The following SPATS2L variants were observed in gnomAD, a reference collection of about 807,000 sequenced individuals.
SPATS2L encodes the protein SPATS2-like protein.
Under a neutral mutation model 59.6 loss-of-function variants are expected in SPATS2L, and 30 were observed. The observed-to-expected ratio is 0.50, with a 90% CI of 0.38 to 0.68. SPATS2L has a LOEUF of 0.68. Among genes scored for constraint, SPATS2L ranks in the 30% least tolerant of loss-of-function variants. The pLI is 0.00. For synonymous variants in SPATS2L, 252 were observed against 263.5 expected (o/e 0.96, Z 0.42); for missense variants, 615 against 700.0 (o/e 0.88, Z 1.37).
chr2:200,362,884 A>C (rs773445515), intron 2 of SPATS2L, among the ~76,000 whole-genome samples: 3 of 152,170 alleles, frequency 2.0e-5, no homozygotes, highest in Non-Finnish European at 4.4e-5. Context: ...GATGAGATAC[A>C]CCTATCCTCC....
At position 200,472,361 on chromosome 2, in the gene SPATS2L, G is replaced by A. The variant is rs1358078123; in HGVS notation, c.1061-471G>A. On this transcript the variant is annotated intron_variant, in intron 11 of 12. Transcript: ENST00000409140. ...CTCTCAGAACATCGTGGATCTGACAGGCCAGAGTGTCCGCATAGCTCCCAA... is the reference window on the plus strand; with the variant it reads ...CTCTCAGAACATCGTGGATCTGACAAGCCAGAGTGTCCGCATAGCTCCCAA... Among the ~76,000 whole-genome samples the A allele has an allele frequency of 5.3e-5, 8 of 152,310 alleles. No homozygotes were observed. In the South Asian group the frequency reaches 1.7e-3, roughly 32 times the overall value.
intron 8 of SPATS2L, among the ~76,000 whole-genome samples, chr2:200,441,086 A>G (rs1298050087): frequency 6.6e-6 from 1 of 152,246 alleles, no homozygotes; most frequent in African/African-American, 2.4e-5. Context: ...AGTATTTTTG[A>G]CAAATCCCTG....
intron 3 of SPATS2L, among the ~76,000 whole-genome samples, chr2:200,395,053 A>C (rs1350738661): frequency 6.6e-6 from 1 of 152,218 alleles, no homozygotes; most frequent in Non-Finnish European, 1.5e-5. Context: ...TCTTTTCTAA[A>C]TAATGTATTT....
upstream of SPATS2L, chr2:200,306,307 T>G (rs1055551277): frequency 4.0e-6 from 4 of 1,002,252 alleles, no homozygotes; most frequent in African/African-American, 5.2e-5. Flanking sequence ...GAGAAGATGA[T>G]TCTCTTGCAA....
In SPATS2L at chr2:200,452,172, T is replaced by A. The variant is rs565880599; in HGVS notation, c.789-7597T>A. On this transcript the variant is annotated intron_variant, in intron 8 of 12. Coordinates refer to ENST00000409140, the MANE Select transcript of SPATS2L (RefSeq NM_001100423.2). ...AGACACTGAAATACAGTCAAGTTAC[T>A]TTCCCTGAATAGTGACCTCCATGAA... Among the ~76,000 whole-genome samples the A allele has an allele frequency of 2.0e-5, 3 of 152,314 alleles. No homozygotes were observed. In the East Asian group the frequency reaches 5.8e-4, roughly 29 times the overall value.
intron 12 of SPATS2L, among the ~76,000 whole-genome samples, chr2:200,475,510 G>T (rs990106437): frequency 1.3e-5 from 2 of 152,182 alleles, no homozygotes; most frequent in African/African-American, 4.8e-5. Context: ...ACAGATGGTT[G>T]TATTCTTTTG....
intron 2 of SPATS2L, among the ~76,000 whole-genome samples, chr2:200,355,569 C>G (rs2080887865): frequency 1.3e-5 from 2 of 152,194 alleles, no homozygotes; most frequent in Admixed American, 1.3e-4. Context: ...CACGATTGTT[C>G]TTCACAGCTG....
At chr2:200,475,909 G>T (rs2087483636) in intron 12 of SPATS2L, among the ~76,000 whole-genome samples, 1 of 152,142 alleles carries the variant, frequency 6.6e-6, no homozygotes. Context: ...ATATAAAGCG[G>T]GAATAGCTCC....
chr2:200,439,100 A>G (rs1382345894), intron 6 of SPATS2L, 22 bp from the exon 7 acceptor site: 4 of 1,597,484 alleles, frequency 2.5e-6, no homozygotes, highest in Non-Finnish European at 3.4e-6. Context: ...CTTCACAGTC[A>G]TTATTTGGTG....
At chr2:200,377,796 T>A (rs1165551831) in intron 2 of SPATS2L, among the ~76,000 whole-genome samples, 2 of 152,210 alleles carry the variant, frequency 1.3e-5, no homozygotes, top group Non-Finnish European at 1.5e-5. Context: ...TGTTTTCAAT[T>A]AGGTGTAGAA....
At chr2:200,359,017 C>T (rs2081012247) in intron 2 of SPATS2L, among the ~76,000 whole-genome samples, 1 of 151,610 alleles carries the variant, frequency 6.6e-6, no homozygotes, top group East Asian at 1.9e-4. Context: ...CACACACACA[C>T]AAATTTTCTT....
At chr2:200,378,462 G>A in intron 2 of SPATS2L, 2 of 911,278 alleles carry the variant, frequency 2.2e-6, no homozygotes, top group Non-Finnish European at 2.7e-6. Context: ...CTCTCCAACT[G>A]GAAGTCCAAG....
intron 8 of SPATS2L, among the ~76,000 whole-genome samples, chr2:200,447,186 A>G (rs1490024161): frequency 2.6e-5 from 4 of 152,238 alleles, no homozygotes; most frequent in Non-Finnish European, 4.4e-5. Context: ...AAAGATAAAT[A>G]CAGTAAGGAC....
chr2:200,467,090 A>C (rs1574703052), intron 9 of SPATS2L, among the ~76,000 whole-genome samples, 200 bp from the exon 10 acceptor site: 1 of 152,136 alleles, frequency 6.6e-6, no homozygotes, highest in Admixed American at 6.5e-5. Context: ...TGGCTTGGGG[A>C]TTGGTGGAGG....
At chr2:200,429,631 T>A (rs1030191628) in intron 6 of SPATS2L, among the ~76,000 whole-genome samples, 1 of 152,176 alleles carries the variant, frequency 6.6e-6, no homozygotes, top group African/African-American at 2.4e-5. Flanking sequence ...GAATGGCTGC[T>A]GGGTTCCTGT....
intron 3 of SPATS2L, among the ~76,000 whole-genome samples, chr2:200,407,873 G>A (rs775495731): frequency 4.6e-5 from 7 of 152,150 alleles, no homozygotes; most frequent in Admixed American, 1.3e-4. Context: ...CAGAGCAGCC[G>A]CCTGGTGTAG....
At chr2:200,378,688 T>C (rs546916339) in intron 2 of SPATS2L, among the ~76,000 whole-genome samples, 2 of 152,318 alleles carry the variant, frequency 1.3e-5, no homozygotes, top group South Asian at 4.1e-4. Context: ...GGAACAGAGA[T>C]TTTTGAAACC....
At chr2:200,356,267 A>T (rs1280489525) in intron 2 of SPATS2L, among the ~76,000 whole-genome samples, 1 of 152,234 alleles carries the variant, frequency 6.6e-6, no homozygotes, top group African/African-American at 2.4e-5. Flanking sequence ...AATGATAAAC[A>T]TGCATAAAAG....
At position 200,306,744 on chromosome 2, in the gene SPATS2L, CGCTGCAAGCGCCGGCA is replaced by C. The variant is rs1463461519; in HGVS notation, c.-248_-233del. 1.1e-6 allele frequency: 1 copy of C among 950,494 alleles called. No individual in the cohort carries two copies. Among genetic ancestry groups the C allele is most frequent in the African/African-American group, 1.8e-5 (1 of 54,550 alleles). 58.9% of individuals were successfully genotyped at this position (950,494 alleles called of 1,614,324 possible). A position where few individuals can be genotyped will look rare whatever the true frequency, so the allele number is the denominator to read the frequency against. Reference sequence around the variant, plus strand: ...CGGGGGCCGAGCTGGCTGCGCCCTCCGCTGCAAGCGCCGGCAGCGCGGGGCGAGCTCCGGACGGCGC... The same window carrying C: ...CGGGGGCCGAGCTGGCTGCGCCCTCCGCGCGGGGCGAGCTCCGGACGGCGC... On this transcript the variant is annotated 5_prime_UTR_variant, in exon 1 of 13. Coordinates refer to ENST00000409140, the MANE Select transcript of SPATS2L (RefSeq NM_001100423.2).
Sources: gnomAD v4.1 joint callset for allele counts (sites outside exome capture counted in the v4.1 genomes callset) on GRCh38, gnomAD v4.1.1 for gene constraint, MANE v1.5 for transcripts, NCBI Gene and HGNC (gene_info 2026-07-23, HGNC 2026-07-21) for gene names.